Variants in AGBL1 observed in about 807,000 individuals in gnomAD.
AGBL1 encodes the protein AGBL carboxypeptidase 1.
Under a neutral mutation model 118.9 loss-of-function variants are expected in AGBL1, and 130 were observed. The ratio of observed to expected loss-of-function variants is 1.09; its 90% CI spans 0.95 to 1.26. The LOEUF is 1.26. AGBL1 is among the 50% of genes most tolerant of loss of function. AGBL1 has a pLI of 0.00. For synonymous variants in AGBL1, 555 were observed against 478.9 expected, an observed-to-expected ratio of 1.16 and a Z score of -2.08; for missense variants, 1,584 against 1,298.1, an observed-to-expected ratio of 1.22 and a Z score of -3.38.
chr15:86,932,523 T>A, intron 23 of AGBL1, among the ~76,000 whole-genome samples: 1 of 152,300 alleles, frequency 6.6e-6, no homozygotes, highest in Non-Finnish European at 1.5e-5. Flanking sequence ...TTTGCGTGGG[T>A]GTTGAAGCCA....
At position 86,160,589 on chromosome 15, in the gene AGBL1, T is replaced by G. The variant is rs1352340753; in HGVS notation, c.488+1563T>G. 2.0e-5 allele frequency among the ~76,000 whole-genome samples: 3 copies of G among 152,212 alleles called. No homozygotes were observed. In the South Asian group the frequency reaches 6.2e-4, roughly 32 times the overall value. On this transcript the variant is annotated intron_variant, in intron 5 of 22. Coordinates refer to ENST00000614907, the MANE Select transcript of AGBL1 (RefSeq NM_001386094.1). ...ATCATTGTGTGCAGGCCTTTGCTGCTGACATCTGCAGTCTCAACATGTTCT... is the reference window on the plus strand; with the variant it reads ...ATCATTGTGTGCAGGCCTTTGCTGCGGACATCTGCAGTCTCAACATGTTCT...
chr15:86,724,235 CAAAAAAAAAAA>C (rs1204898095), intron 22 of AGBL1, among the ~76,000 whole-genome samples: 1 of 73,860 alleles, frequency 1.4e-5, no homozygotes, highest in Non-Finnish European at 2.4e-5. Flanking sequence ...GACTCCATCT[CAAAAAAAAAAA>C]AAAAAAAAGA....
chr15:86,964,251 G>A (rs907453391), intron 23 of AGBL1, among the ~76,000 whole-genome samples: 10 of 151,858 alleles, frequency 6.6e-5, no homozygotes, highest in Non-Finnish European at 2.9e-5. Flanking sequence ...AGTACTATTG[G>A]CAATTAGTGC....
chr15:86,225,309 ATTCCAGG>A (rs2078344870), intron 6 of AGBL1, among the ~76,000 whole-genome samples: 1 of 152,058 alleles, frequency 6.6e-6, no homozygotes, highest in African/African-American at 2.4e-5. Flanking sequence ...GTTGAAATAA[ATTCCAGG>A]TTCCAGTGGG....
Position 86,613,066 on chromosome 15 carries a change from A to G in AGBL1, c.2994+58529A>G, listed in dbSNP as rs1198436824. Among the ~76,000 whole-genome samples, 1 of 152,222 alleles carries G rather than the reference A, an allele frequency of 6.6e-6. No homozygotes were observed. The highest frequency in any genetic ancestry group is 2.4e-5 in the African/African-American group (1 of 41,450). ...TGTCTCCCTAAAATGTATAAAGCCA[A>G]GATGTAACACAATCACTTTGGGCAC... On this transcript the variant is annotated intron_variant, in intron 21 of 22. Coordinates refer to ENST00000614907, the MANE Select transcript of AGBL1 (RefSeq NM_001386094.1). This position sits in a 1 kb window ranked among gnomAD's most constrained non-coding sequence, Gnocchi z 4.2.
chr15:86,684,284 T>C (rs2086013823), intron 22 of AGBL1, among the ~76,000 whole-genome samples: 1 of 152,102 alleles, frequency 6.6e-6, no homozygotes, highest in Admixed American at 6.5e-5. Context: ...CATTTCCACA[T>C]TTTTACCTGA....
Position 86,756,005 on chromosome 15 carries a change from C to G in AGBL1, c.3158+81569C>G, listed in dbSNP as rs200238295. On this transcript the variant is annotated intron_variant, in intron 22 of 22. Transcript: ENST00000614907. ...CTGGAATTTCCCCATGCTGTTTAGC[C>G]AAGAGCCCAGATGGCTTGGATGCTC... 1.3e-4 allele frequency among the ~76,000 whole-genome samples: 20 copies of G among 152,162 alleles called. No homozygotes were observed. In the East Asian group the frequency reaches 3.9e-3, roughly 30 times the overall value.
rs199662450 is a variant in AGBL1, at chr15:87,019,840, T to C, written c.3324-8985T>C. Among the ~76,000 whole-genome samples, 11 of 151,926 alleles carry C rather than the reference T, an allele frequency of 7.2e-5. No homozygotes were observed. In the East Asian group the frequency reaches 2.1e-3, roughly 29 times the overall value. On this transcript the variant is annotated intron_variant, in intron 24 of 24. Transcript: ENST00000441037. ...ATCAACAAATCCAGGAGCCTGTTTT[T>C]TGAAAAAAATAATAAAATAGATATA...
intron 23 of AGBL1, among the ~76,000 whole-genome samples, chr15:86,926,569 A>C (rs981002173): frequency 6.6e-6 from 1 of 152,242 alleles, no homozygotes; most frequent in Non-Finnish European, 1.5e-5. Flanking sequence ...CCTTAGATCT[A>C]TGAAGTGACT....
chr15:86,476,328 G>C (rs528468068), intron 18 of AGBL1, among the ~76,000 whole-genome samples: 2 of 152,132 alleles, frequency 1.3e-5, no homozygotes, highest in African/African-American at 4.8e-5. Context: ...GCTGTATTCA[G>C]GAGACCCATC....
At chr15:86,355,344 CGGTCA>C (rs1337450397) in intron 17 of AGBL1, among the ~76,000 whole-genome samples, 1 of 152,146 alleles carries the variant, frequency 6.6e-6, no homozygotes, top group Admixed American at 6.5e-5. Flanking sequence ...AATGGTTCAT[CGGTCA>C]GGTATACATA....
At chr15:86,998,527 G>A (rs1461241889) in intron 24 of AGBL1, among the ~76,000 whole-genome samples, 1 of 152,158 alleles carries the variant, frequency 6.6e-6, no homozygotes, top group Non-Finnish European at 1.5e-5. Flanking sequence ...TAAAGATTCT[G>A]ATATAGAGAC....
At chr15:86,536,527 T>C (rs1410091522) in intron 19 of AGBL1, among the ~76,000 whole-genome samples, 1 of 152,180 alleles carries the variant, frequency 6.6e-6, no homozygotes, top group Admixed American at 6.5e-5. Context: ...GCTAGGATGG[T>C]CTCTATCTCT....
At chr15:86,265,412 C>A (rs1343275508) in intron 11 of AGBL1, among the ~76,000 whole-genome samples, 1 of 151,998 alleles carries the variant, frequency 6.6e-6, no homozygotes, top group Non-Finnish European at 1.5e-5. Context: ...TCCCAGAAGG[C>A]AGGAAAGGGA....
chr15:86,304,168 A>C (rs887470546), intron 17 of AGBL1, among the ~76,000 whole-genome samples: 2 of 152,140 alleles, frequency 1.3e-5, no homozygotes, highest in Non-Finnish European at 1.5e-5. Flanking sequence ...TTTTAGTAAA[A>C]TCTAAATATT....
intron 15 of AGBL1, among the ~76,000 whole-genome samples, chr15:86,279,178 T>C (rs943352303): frequency 1.3e-5 from 2 of 152,242 alleles, no homozygotes; most frequent in Admixed American, 6.5e-5. Flanking sequence ...ATGTGATTGC[T>C]AATAAATCTA....
chr15:86,206,240 T>C (rs1353390445), intron 5 of AGBL1, among the ~76,000 whole-genome samples: 3 of 152,186 alleles, frequency 2.0e-5, no homozygotes, highest in Non-Finnish European at 2.9e-5. Context: ...TGGTTCCACG[T>C]TTTTGGTATT....
At chr15:86,337,978 C>T (rs576662841) in intron 17 of AGBL1, among the ~76,000 whole-genome samples, 1 of 152,074 alleles carries the variant, frequency 6.6e-6, no homozygotes, top group Non-Finnish European at 1.5e-5. Flanking sequence ...CACTTCTAGT[C>T]AGGAGAGATG....
rs543861707 is a variant in AGBL1, at chr15:86,671,282, A to C, written c.2995-2991A>C. Among the ~76,000 whole-genome samples, 11 of 152,242 alleles carry C rather than the reference A, an allele frequency of 7.2e-5. 1 individual carries two copies. The highest frequency in any genetic ancestry group is 2.6e-4 in the African/African-American group (11 of 41,536). ...CAATCAGATTTAAACAAACAAACAA[A>C]CAAACAGGAGAATGGCAGATAGTGT... On this transcript the variant is annotated intron_variant, in intron 21 of 22. Transcript: ENST00000614907.
Sources: gnomAD v4.1 joint callset for allele counts (sites outside exome capture counted in the v4.1 genomes callset) on GRCh38, gnomAD v4.1.1 for gene constraint, Gnocchi (gnomAD v3.1) non-coding constraint, MANE v1.5 for transcripts, NCBI Gene and HGNC (gene_info 2026-07-23, HGNC 2026-07-21) for gene names.